GRID2: variants seen among roughly 807,000 people sequenced by gnomAD.
GRID2 encodes the protein glutamate receptor ionotropic, delta-2.
A neutral mutation model predicts 114.8 loss-of-function variants in GRID2; 33 were observed. The observed-to-expected ratio is 0.29, with a 90% CI of 0.22 to 0.38. GRID2 has a LOEUF of 0.38. GRID2 is among the 10% of genes least tolerant of loss of function. The pLI, the probability that GRID2 is intolerant of heterozygous loss-of-function variation, is 1.00. For synonymous variants in GRID2, 505 were observed against 449.9 expected (o/e 1.12, Z -1.55); for missense variants, 1,184 against 1,257.7 (o/e 0.94, Z 0.89).
chr4:93,155,560 A>T (rs529544876), intron 4 of GRID2, among the ~76,000 whole-genome samples: 1 of 152,148 alleles, frequency 6.6e-6, no homozygotes, highest in Admixed American at 6.6e-5. Context: ...TTTATCCAGT[A>T]AAACTGAATT....
At chr4:93,718,191 G>A (rs72875921) in intron 14 of GRID2, among the ~76,000 whole-genome samples, 5,988 of 152,210 alleles carry the variant, frequency 0.039, 385 homozygotes, top group African/African-American at 0.13. Context: ...AGATACATAT[G>A]GATGTGTACT....
chr4:93,158,327 C>T (rs1488036598), intron 4 of GRID2, among the ~76,000 whole-genome samples: 3 of 151,752 alleles, frequency 2.0e-5, no homozygotes, highest in South Asian at 2.1e-4. Context: ...TGATATGTGC[C>T]TTTTAAAACA....
At chr4:92,871,249 CT>C (rs879772086) in intron 2 of GRID2, among the ~76,000 whole-genome samples, 126 of 144,190 alleles carry the variant, frequency 8.7e-4, no homozygotes, top group African/African-American at 1.4e-3. Flanking sequence ...GTTTTATTTA[CT>C]TTTTTTTTTT....
At chr4:92,890,058 G>A (rs977270228) in intron 2 of GRID2, among the ~76,000 whole-genome samples, 1 of 152,158 alleles carries the variant, frequency 6.6e-6, no homozygotes, top group Non-Finnish European at 1.5e-5. Flanking sequence ...AAACTGGCTA[G>A]CCATATGCAG....
At chr4:93,761,267 A>G (rs1733184224) in intron 14 of GRID2, among the ~76,000 whole-genome samples, 1 of 152,208 alleles carries the variant, frequency 6.6e-6, no homozygotes, top group African/African-American at 2.4e-5. Context: ...ACGGACTCAT[A>G]CTTTCCAATG....
intron 9 of GRID2, among the ~76,000 whole-genome samples, chr4:93,398,181 T>C (rs1055964750): frequency 3.6e-5 from 5 of 137,518 alleles, no homozygotes; most frequent in African/African-American, 1.6e-4. Context: ...GGTTAAGGTC[T>C]AGAATCAGAC....
intron 2 of GRID2, among the ~76,000 whole-genome samples, chr4:92,653,349 TTG>T (rs1338351939): frequency 1.4e-5 from 2 of 144,126 alleles, no homozygotes; most frequent in African/African-American, 5.1e-5. Flanking sequence ...GTGTGTGTGT[TTG>T]TGTGTTTGTA....
chr4:92,565,177 A>G (rs970873645), intron 1 of GRID2, among the ~76,000 whole-genome samples: 5 of 152,032 alleles, frequency 3.3e-5, no homozygotes, highest in African/African-American at 1.2e-4. Context: ...TTACTTTCAT[A>G]TGAGAATTTT....
intron 2 of GRID2, among the ~76,000 whole-genome samples, chr4:92,754,665 G>A (rs533305216): frequency 3.3e-5 from 5 of 152,102 alleles, no homozygotes; most frequent in Non-Finnish European, 7.4e-5. Context: ...ATATAGCTTT[G>A]ATGTGTTTAA....
Position 93,548,938 on chromosome 4 carries a change from A to T in GRID2, c.2193+33527A>T, listed in dbSNP as rs1733499113. On this transcript the variant is annotated intron_variant, in intron 13 of 15. Transcript: ENST00000282020. ...TTGTGACCTTGATTTCTTGATTTAGAGAAGTAAAAAAAAAAATACACATTT... is the reference window on the plus strand; with the variant it reads ...TTGTGACCTTGATTTCTTGATTTAGTGAAGTAAAAAAAAAAATACACATTT... 1.3e-5 allele frequency among the ~76,000 whole-genome samples: 2 copies of T among 152,132 alleles called. 1 individual carries two copies. The highest frequency in any genetic ancestry group is 4.1e-4 in the South Asian group (2 of 4,834).
intron 14 of GRID2, among the ~76,000 whole-genome samples, chr4:93,701,816 C>G (rs914717541): frequency 2.8e-4 from 43 of 151,840 alleles, no homozygotes; most frequent in Non-Finnish European, 1.5e-4. Flanking sequence ...TAGTAAAACC[C>G]CATCTCTAAA....
intron 4 of GRID2, among the ~76,000 whole-genome samples, chr4:93,129,491 C>T (rs996525268): frequency 1.3e-5 from 2 of 152,054 alleles, no homozygotes; most frequent in Non-Finnish European, 2.9e-5. Flanking sequence ...GATGATCCAC[C>T]TGCTCCAAAT....
intron 12 of GRID2, among the ~76,000 whole-genome samples, chr4:93,506,716 C>T (rs1728666072): frequency 1.3e-5 from 2 of 152,152 alleles, no homozygotes; most frequent in South Asian, 4.1e-4. Flanking sequence ...CCTCCTATGG[C>T]ACCCTCTCCA....
At chr4:92,954,427 T>C (rs1175338445) in intron 2 of GRID2, among the ~76,000 whole-genome samples, 1 of 151,756 alleles carries the variant, frequency 6.6e-6, no homozygotes, top group East Asian at 2.0e-4. Flanking sequence ...TATTTTATTT[T>C]ATTTTATTTT....
At chr4:92,443,694 A>G (rs894337316) in intron 1 of GRID2, among the ~76,000 whole-genome samples, 2 of 152,070 alleles carry the variant, frequency 1.3e-5, no homozygotes, top group African/African-American at 4.8e-5. Context: ...AAAAGCTGAG[A>G]AGGGGTAGAG....
chr4:93,406,128 T>G (rs2149344947), intron 9 of GRID2, among the ~76,000 whole-genome samples: 1 of 152,224 alleles, frequency 6.6e-6, no homozygotes, highest in Non-Finnish European at 1.5e-5. Context: ...TCTATCTAAT[T>G]TACTCCCAGC....
At chr4:93,423,633 A>G (rs1768555301) in intron 10 of GRID2, among the ~76,000 whole-genome samples, 1 of 152,000 alleles carries the variant, frequency 6.6e-6, no homozygotes, top group Non-Finnish European at 1.5e-5. Flanking sequence ...TTAGAAACTA[A>G]TCATTTCATT....
At chr4:92,775,243 T>C (rs1738734645) in intron 2 of GRID2, among the ~76,000 whole-genome samples, 1 of 152,200 alleles carries the variant, frequency 6.6e-6, no homozygotes, top group African/African-American at 2.4e-5. Flanking sequence ...TACCCTGGGA[T>C]AGAGTTTGAG....
chr4:93,417,015 T>C (rs1482309631), intron 9 of GRID2, among the ~76,000 whole-genome samples: 1 of 152,126 alleles, frequency 6.6e-6, no homozygotes, highest in African/African-American at 2.4e-5. Context: ...TTTGTTTTCA[T>C]TTAATAGGCA....
Sources: allele counts gnomAD v4.1 joint callset (sites outside exome capture counted in the v4.1 genomes callset), GRCh38; gene constraint gnomAD v4.1.1; transcripts MANE v1.5; gene names NCBI Gene and HGNC (gene_info 2026-07-23, HGNC 2026-07-21).